The following PABPC4L variants were observed in gnomAD, a reference collection of about 807,000 sequenced individuals.
PABPC4L encodes poly(A) binding protein cytoplasmic 4 like.
For missense variants in PABPC4L, 452 were observed against 451.4 expected (o/e 1.00, Z -0.01); for synonymous variants, 169 against 164.1 (o/e 1.03, Z -0.23).
At chr4:134,069,791 C>T in the PABPC4L span, among the ~76,000 whole-genome samples, 1 of 152,030 alleles carries the variant, frequency 6.6e-6, no homozygotes, top group East Asian at 1.9e-4. Context: ...ATCTTTATTT[C>T]TGTCCATATT....
the PABPC4L span, among the ~76,000 whole-genome samples, chr4:134,161,598 A>C: frequency 6.6e-6 from 1 of 152,274 alleles, no homozygotes; most frequent in Admixed American, 6.5e-5. Flanking sequence ...AAGTAGAAAT[A>C]AAGATCTACC....
At chr4:134,061,457 G>T in the PABPC4L span, among the ~76,000 whole-genome samples, 1 of 151,788 alleles carries the variant, frequency 6.6e-6, no homozygotes, top group Non-Finnish European at 1.5e-5. Flanking sequence ...GATCCTAAAA[G>T]CTTGCAGAAG....
the PABPC4L span, among the ~76,000 whole-genome samples, chr4:134,070,905 C>G: frequency 6.6e-6 from 1 of 152,188 alleles, no homozygotes; most frequent in Non-Finnish European, 1.5e-5. Context: ...ACTCTGCTCT[C>G]TCCAGGTCCG....
At chr4:134,027,305 C>G in the PABPC4L span, among the ~76,000 whole-genome samples, 182 of 152,124 alleles carry the variant, frequency 1.2e-3, no homozygotes, top group African/African-American at 4.2e-3. Flanking sequence ...ATGGGCCAAA[C>G]CAGTCACTGG....
the PABPC4L span, among the ~76,000 whole-genome samples, chr4:134,075,836 C>T: frequency 6.6e-6 from 1 of 152,048 alleles, no homozygotes; most frequent in Non-Finnish European, 1.5e-5. Flanking sequence ...CTCGTGGGTA[C>T]TCCTGGACCA....
chr4:134,126,643 G>A, the PABPC4L span, among the ~76,000 whole-genome samples: 1 of 151,670 alleles, frequency 6.6e-6, no homozygotes, highest in South Asian at 2.1e-4. Flanking sequence ...CTTCCAAATT[G>A]TAATTTTTTA....
chr4:134,104,046 T>TTAAAC, the PABPC4L span, among the ~76,000 whole-genome samples: 106,687 of 151,038 alleles, frequency 0.71, 39,211 homozygotes, highest in East Asian at 1. Flanking sequence ...TGTAGCTTCT[T>TTAAAC]TAGTGACATT....
chr4:134,090,415 G>T, the PABPC4L span, among the ~76,000 whole-genome samples: 1 of 151,844 alleles, frequency 6.6e-6, no homozygotes, highest in Non-Finnish European at 1.5e-5. Context: ...TTGATATAAG[G>T]AATTGCTTTT....
the PABPC4L span, among the ~76,000 whole-genome samples, chr4:133,991,979 G>A: frequency 3.3e-5 from 5 of 152,138 alleles, no homozygotes; most frequent in Admixed American, 6.5e-5. Context: ...ATGAATAACG[G>A]TCATAGTATA....
chr4:134,008,534 A>C, the PABPC4L span, among the ~76,000 whole-genome samples: 2 of 151,840 alleles, frequency 1.3e-5, no homozygotes, highest in Admixed American at 6.6e-5. Flanking sequence ...TAAAAATTAA[A>C]TTATAGAAAG....
At chr4:134,096,037 G>A in the PABPC4L span, among the ~76,000 whole-genome samples, 4 of 152,028 alleles carry the variant, frequency 2.6e-5, no homozygotes, top group Admixed American at 2.6e-4. Context: ...AAGCTTCATT[G>A]CTTCATGAGG....
At chr4:134,166,403 G>A in the PABPC4L span, among the ~76,000 whole-genome samples, 1 of 152,188 alleles carries the variant, frequency 6.6e-6, no homozygotes, top group Non-Finnish European at 1.5e-5. Flanking sequence ...TGAAAGCTTA[G>A]GTTTCCCCAT....
At chr4:134,070,536 G>A in the PABPC4L span, among the ~76,000 whole-genome samples, 1 of 152,114 alleles carries the variant, frequency 6.6e-6, no homozygotes, top group African/African-American at 2.4e-5. Flanking sequence ...GGAGGGTGAG[G>A]TACGCTCATG....
the PABPC4L span, among the ~76,000 whole-genome samples, chr4:134,085,579 C>G: frequency 6.6e-6 from 1 of 152,134 alleles, no homozygotes; most frequent in Non-Finnish European, 1.5e-5. Flanking sequence ...CAGTCACTAT[C>G]GTTCTCCCCT....
At chr4:134,164,950 A>T in the PABPC4L span, among the ~76,000 whole-genome samples, 1 of 152,184 alleles carries the variant, frequency 6.6e-6, no homozygotes, top group African/African-American at 2.4e-5. Flanking sequence ...ACAATGGAAC[A>T]GAATAAATAA....
the PABPC4L span, among the ~76,000 whole-genome samples, chr4:134,028,230 A>G: frequency 6.6e-6 from 1 of 152,098 alleles, no homozygotes; most frequent in African/African-American, 2.4e-5. Context: ...GAACAACTTT[A>G]AATTCTTTCT....
the PABPC4L span, among the ~76,000 whole-genome samples, chr4:134,018,795 G>T: frequency 6.6e-6 from 1 of 152,012 alleles, no homozygotes; most frequent in Non-Finnish European, 1.5e-5. Context: ...ATTAATTGAT[G>T]ATTATGAGTA....
At chr4:134,039,434 T>C in the PABPC4L span, among the ~76,000 whole-genome samples, 1 of 151,648 alleles carries the variant, frequency 6.6e-6, no homozygotes, top group East Asian at 1.9e-4. Flanking sequence ...ATTTAACTCT[T>C]AGTATTATTT....
the PABPC4L span, among the ~76,000 whole-genome samples, chr4:134,017,081 C>A: frequency 6.6e-6 from 1 of 152,140 alleles, no homozygotes; most frequent in African/African-American, 2.4e-5. Context: ...AGTCCTATAA[C>A]AGATCAGCCT....
Sources: allele counts gnomAD v4.1 joint callset (sites outside exome capture counted in the v4.1 genomes callset), GRCh38; gene constraint gnomAD v4.1.1; transcripts MANE v1.5; gene names NCBI Gene and HGNC (gene_info 2026-07-23, HGNC 2026-07-21).